ANK2: variants seen among roughly 807,000 people sequenced by gnomAD.
ANK2 encodes ankyrin-2.
A neutral mutation model predicts 360.5 loss-of-function variants in ANK2; 83 were observed. The observed-to-expected ratio is 0.23, with a 90% CI of 0.19 to 0.28. ANK2 has a LOEUF of 0.28. Among genes scored for constraint, ANK2 ranks in the 10% least tolerant of loss-of-function variants. ANK2 has a pLI of 1.00. For synonymous variants in ANK2, 1,740 were observed against 1,759.5 expected (o/e 0.99, Z 0.28); for missense variants, 4,201 against 4,795.7 (o/e 0.88, Z 3.66).
intron 1 of ANK2, chr4:112,827,682 A>C (rs2058701117): frequency 1.6e-6 from 1 of 619,590 alleles, no homozygotes; most frequent in African/African-American, 1.8e-5. Context: ...CACTGTTCTG[A>C]AATTTCGATT....
intron 2 of ANK2, among the ~76,000 whole-genome samples, chr4:113,182,467 A>G (rs1357762540): frequency 1.2e-4 from 18 of 152,182 alleles, no homozygotes. Flanking sequence ...GAGAGAGTTT[A>G]TGAAAAATAG....
chr4:113,192,924 TAAAAA>T (rs373250773), intron 2 of ANK2, among the ~76,000 whole-genome samples: 3,208 of 136,766 alleles, frequency 0.023, 54 homozygotes, highest in Middle Eastern at 0.034. Context: ...TTGCATTATT[TAAAAA>T]AAAAAAAAAA....
chr4:113,366,056 A>G (rs907410916), intron 41 of ANK2, among the ~76,000 whole-genome samples: 2 of 152,124 alleles, frequency 1.3e-5, no homozygotes, highest in East Asian at 3.9e-4. Flanking sequence ...GCTTTAATAG[A>G]TCCCATCTTT....
intron 1 of ANK2, among the ~76,000 whole-genome samples, chr4:113,128,366 T>C (rs897415038): frequency 7.9e-5 from 12 of 152,390 alleles, no homozygotes; most frequent in Admixed American, 5.2e-4. Flanking sequence ...AAAGCACTTA[T>C]GTGCATAGTA....
chr4:112,739,944 T>A, the ANK2 span, among the ~76,000 whole-genome samples: 1 of 152,088 alleles, frequency 6.6e-6, no homozygotes, highest in East Asian at 1.9e-4. Flanking sequence ...TGCAGTGAAC[T>A]GTGATCACAC....
the ANK2 span, among the ~76,000 whole-genome samples, chr4:112,741,631 C>T: frequency 1.3e-5 from 2 of 152,090 alleles, no homozygotes; most frequent in Non-Finnish European, 2.9e-5. Context: ...GTTTTTCTTT[C>T]CACTTGGATT....
chr4:113,364,685 A>G (rs1029907670), intron 40 of ANK2, among the ~76,000 whole-genome samples: 13 of 152,214 alleles, frequency 8.5e-5, no homozygotes, highest in Admixed American at 1.3e-4. Context: ...AAGGGTGCCC[A>G]GTTAAATTTA....
chr4:113,187,196 T>C (rs2098547616), intron 2 of ANK2, among the ~76,000 whole-genome samples: 1 of 152,200 alleles, frequency 6.6e-6, no homozygotes, highest in African/African-American at 2.4e-5. Flanking sequence ...CAGTGAAGGC[T>C]GTTACTGCCC....
chr4:112,925,471 C>T (rs113772527), intron 2 of ANK2, among the ~76,000 whole-genome samples: 154 of 152,084 alleles, frequency 1.0e-3, no homozygotes, highest in African/African-American at 3.2e-3. Context: ...ATCTGCATAA[C>T]GTAGATCCTA....
At chr4:112,859,722 G>T (rs116164539) in intron 1 of ANK2, among the ~76,000 whole-genome samples, 1,847 of 152,336 alleles carry the variant, frequency 0.012, 33 homozygotes, top group African/African-American at 0.04. Context: ...GCTGTGACCA[G>T]CTTACCCAAG....
At chr4:112,769,031 T>C in the ANK2 span, among the ~76,000 whole-genome samples, 5 of 152,242 alleles carry the variant, frequency 3.3e-5, no homozygotes, top group African/African-American at 1.2e-4. Flanking sequence ...GTTTCACTTA[T>C]GCATTATGAG....
intron 1 of ANK2, among the ~76,000 whole-genome samples, chr4:113,054,759 C>CCT (rs2068773121): frequency 6.6e-6 from 1 of 152,046 alleles, no homozygotes; most frequent in Non-Finnish European, 1.5e-5. Flanking sequence ...TTTAAAATGA[C>CCT]CATCTGTCAG....
chr4:112,830,615 A>T (rs78334545), intron 1 of ANK2, among the ~76,000 whole-genome samples: 43 of 112,578 alleles, frequency 3.8e-4, no homozygotes, highest in African/African-American at 1.3e-3. Flanking sequence ...AATTATTATT[A>T]TTATTTTTTT....
chr4:113,020,015 G>A (rs895532173), intron 2 of ANK2, among the ~76,000 whole-genome samples: 1 of 152,126 alleles, frequency 6.6e-6, no homozygotes, highest in African/African-American at 2.4e-5. Flanking sequence ...CTAGGTAACT[G>A]GTTAGGCTTT....
the ANK2 span, among the ~76,000 whole-genome samples, chr4:112,736,099 A>C: frequency 2.0e-5 from 3 of 152,192 alleles, no homozygotes; most frequent in Non-Finnish European, 2.9e-5. Context: ...TTAAATCACT[A>C]TATTTTTATA....
intron 1 of ANK2, among the ~76,000 whole-genome samples, chr4:112,842,878 G>A (rs1451423355): frequency 6.6e-6 from 1 of 152,200 alleles, no homozygotes. Context: ...GTCCCAAATG[G>A]GTTTCACTAG....
chr4:113,152,496 A>G (rs376026474), intron 1 of ANK2: 1 of 152,264 alleles, frequency 6.6e-6, no homozygotes, highest in African/African-American at 2.4e-5. Flanking sequence ...TTCTCTGTGA[A>G]ATCTTAGGCA....
chr4:113,332,138 T>C, intron 28 of ANK2, 68 bp downstream of exon 28: 1 of 1,381,576 alleles, frequency 7.2e-7, no homozygotes, highest in Non-Finnish European at 1.0e-6. Context: ...TGCAATATGA[T>C]TTCTCTTTTT....
At chr4:113,082,686 G>A (rs1170511459) in intron 1 of ANK2, among the ~76,000 whole-genome samples, 3 of 152,172 alleles carry the variant, frequency 2.0e-5, no homozygotes, top group Non-Finnish European at 4.4e-5. Context: ...TTGTGGATAA[G>A]AGCTTCGTAC....
Sources: gnomAD v4.1 joint callset for allele counts (sites outside exome capture counted in the v4.1 genomes callset) on GRCh38, gnomAD v4.1.1 for gene constraint, MANE v1.5 for transcripts, NCBI Gene and HGNC (gene_info 2026-07-23, HGNC 2026-07-21) for gene names.